The following LRMDA variants were observed in gnomAD, a reference collection of about 807,000 sequenced individuals.
LRMDA encodes the protein leucine-rich melanocyte differentiation-associated protein.
A neutral mutation model predicts 29.8 loss-of-function variants in LRMDA; 18 were observed. The observed-to-expected ratio is 0.60, with a 90% CI of 0.42 to 0.90. LRMDA has a LOEUF of 0.90. LRMDA is among the 40% of genes least tolerant of loss of function. LRMDA has a pLI of 0.00. For synonymous variants in LRMDA, 125 were observed against 109.4 expected, an observed-to-expected ratio of 1.14 and a Z score of -0.89; for missense variants, 273 against 273.9, an observed-to-expected ratio of 1.00 and a Z score of 0.02.
rs138385522 is a variant in LRMDA at position 76,108,958 on chromosome 10, G to A, written c.516+50175G>A. Among the ~76,000 whole-genome samples, 647 of 152,220 alleles carry A rather than the reference G, an allele frequency of 4.3e-3. 5 individuals are homozygous for A. The highest frequency in any genetic ancestry group is 0.015 in the African/African-American group (607 of 41,504). ...ACAGCTGAACTCATTGTAGATACTT[G>A]TTCTACAATGGGCAGCGAATTTCTG... On this transcript the variant is annotated intron_variant, in intron 5 of 6. Coordinates refer to ENST00000611255, the MANE Select transcript of LRMDA (RefSeq NM_001305581.2).
chr10:75,942,165 C>G (rs1284537689), intron 2 of LRMDA, among the ~76,000 whole-genome samples: 1 of 152,068 alleles, frequency 6.6e-6, no homozygotes, highest in African/African-American at 2.4e-5. Flanking sequence ...ACGTGCAGCC[C>G]CTTCAAGAAG....
chr10:75,594,892 G>T (rs766688433), intron 2 of LRMDA, among the ~76,000 whole-genome samples: 15 of 152,034 alleles, frequency 9.9e-5, no homozygotes, highest in Non-Finnish European at 2.2e-4. Flanking sequence ...GAGACTCCCT[G>T]TTTTTTCCTA....
At chr10:76,059,536 C>A (rs1848670784) in intron 5 of LRMDA, among the ~76,000 whole-genome samples, 1 of 152,128 alleles carries the variant, frequency 6.6e-6, no homozygotes, top group Non-Finnish European at 1.5e-5. Context: ...GACTCGGTGA[C>A]CCCTGATGAT....
chr10:76,313,231 C>T (rs1382551405), intron 5 of LRMDA, among the ~76,000 whole-genome samples: 4 of 152,090 alleles, frequency 2.6e-5, no homozygotes, highest in Non-Finnish European at 5.9e-5. Context: ...TGTGACTCCT[C>T]GTGAAACTTT....
At chr10:75,582,193 C>A (rs1230599446) in intron 2 of LRMDA, among the ~76,000 whole-genome samples, 1 of 152,186 alleles carries the variant, frequency 6.6e-6, no homozygotes, top group East Asian at 1.9e-4. Context: ...TAAACAGTGC[C>A]CCACTGGGGA....
intron 2 of LRMDA, among the ~76,000 whole-genome samples, chr10:75,874,923 G>T (rs1845171370): frequency 6.6e-6 from 1 of 152,228 alleles, no homozygotes; most frequent in Non-Finnish European, 1.5e-5. Flanking sequence ...AGTTCAGTGA[G>T]CCTAAGGCCA....
intron 2 of LRMDA, among the ~76,000 whole-genome samples, chr10:75,793,842 G>A (rs537727780): frequency 9.2e-5 from 14 of 152,290 alleles, no homozygotes; most frequent in South Asian, 2.1e-4. Context: ...GAAATAAACC[G>A]TTATGGTTTT....
At chr10:75,674,855 CAGA>C (rs970067520) in intron 2 of LRMDA, among the ~76,000 whole-genome samples, 7 of 152,064 alleles carry the variant, frequency 4.6e-5, no homozygotes, top group Non-Finnish European at 1.5e-5. Context: ...TGGGGGACAG[CAGA>C]AGGACAGTAG....
intron 5 of LRMDA, among the ~76,000 whole-genome samples, chr10:76,219,973 C>G (rs1389896233): frequency 6.6e-6 from 1 of 152,220 alleles, no homozygotes; most frequent in Non-Finnish European, 1.5e-5. Flanking sequence ...TCACTCAAAA[C>G]TGCTCAACTA....
chr10:76,331,681 G>A (rs573892896), intron 6 of LRMDA, among the ~76,000 whole-genome samples: 17 of 152,324 alleles, frequency 1.1e-4, no homozygotes, highest in African/African-American at 3.6e-4. Flanking sequence ...TTGACTGTGT[G>A]GGGGAAGAGT....
At chr10:75,546,610 AGTGAT>A (rs1301199769) in intron 2 of LRMDA, among the ~76,000 whole-genome samples, 3 of 152,156 alleles carry the variant, frequency 2.0e-5, no homozygotes, top group Non-Finnish European at 2.9e-5. Flanking sequence ...TAATGGTAGA[AGTGAT>A]GTGATTGAGT....
At chr10:75,666,590 A>T (rs1342724205) in intron 2 of LRMDA, among the ~76,000 whole-genome samples, 1 of 152,192 alleles carries the variant, frequency 6.6e-6, no homozygotes, top group Non-Finnish European at 1.5e-5. Flanking sequence ...AAAAAAACAA[A>T]AGCTAATTCA....
chr10:75,527,233 T>A (rs941940424), intron 2 of LRMDA, among the ~76,000 whole-genome samples: 1 of 152,238 alleles, frequency 6.6e-6, no homozygotes, highest in African/African-American at 2.4e-5. Context: ...GACTGAGTAA[T>A]ATTCCACTGT....
intron 6 of LRMDA, among the ~76,000 whole-genome samples, chr10:76,399,076 T>G (rs1177871007): frequency 6.6e-6 from 1 of 152,226 alleles, no homozygotes; most frequent in Non-Finnish European, 1.5e-5. Flanking sequence ...CTAATTCTGG[T>G]CATAGATGTT....
chr10:76,426,433 AC>A (rs1486450805), intron 6 of LRMDA, among the ~76,000 whole-genome samples: 1 of 152,052 alleles, frequency 6.6e-6, no homozygotes, highest in Non-Finnish European at 1.5e-5. Flanking sequence ...TCCTTCACCC[AC>A]TTTTTGATGG....
intron 6 of LRMDA, among the ~76,000 whole-genome samples, chr10:76,503,970 A>C (rs761749905): frequency 6.6e-6 from 1 of 151,548 alleles, no homozygotes; most frequent in African/African-American, 2.4e-5. Context: ...TTAGCACTAT[A>C]AACTATCTCC....
At chr10:76,275,206 G>T (rs1448361759) in intron 5 of LRMDA, among the ~76,000 whole-genome samples, 2 of 151,902 alleles carry the variant, frequency 1.3e-5, no homozygotes, top group African/African-American at 2.4e-5. Context: ...TCCTTGTATT[G>T]AATGTGATTC....
intron 6 of LRMDA, among the ~76,000 whole-genome samples, chr10:76,530,958 AT>A (rs1457967090): frequency 1.3e-5 from 2 of 152,202 alleles, no homozygotes; most frequent in Non-Finnish European, 2.9e-5. Context: ...AGATAATTCT[AT>A]GAAAAGATCC....
At chr10:75,956,091 T>C (rs553999517) in intron 2 of LRMDA, among the ~76,000 whole-genome samples, 111 of 152,302 alleles carry the variant, frequency 7.3e-4, no homozygotes, top group African/African-American at 2.6e-3. Context: ...AGTCAAGATA[T>C]ATTGTCAGGA....
Sources: allele counts gnomAD v4.1 joint callset (sites outside exome capture counted in the v4.1 genomes callset), GRCh38; gene constraint gnomAD v4.1.1; transcripts MANE v1.5; gene names NCBI Gene and HGNC (gene_info 2026-07-23, HGNC 2026-07-21).